Variants in SLC39A11 observed in about 807,000 individuals in gnomAD.
SLC39A11 encodes solute carrier family 39 member 11, also known as zinc transporter ZIP11.
A neutral mutation model predicts 36.1 loss-of-function variants in SLC39A11; 33 were observed. That is an observed-to-expected ratio of 0.91 (90% CI 0.69 to 1.22). The LOEUF is 1.22. SLC39A11 is among the 50% of genes most tolerant of loss of function. The pLI is 0.00. For missense variants in SLC39A11, 432 were observed against 430.3 expected (o/e 1.00, Z -0.03); for synonymous variants, 166 against 170.3 (o/e 0.97, Z 0.20).
At chr17:72,983,281 C>G (rs997546547) in intron 4 of SLC39A11, among the ~76,000 whole-genome samples, 1 of 152,096 alleles carries the variant, frequency 6.6e-6, no homozygotes, top group Non-Finnish European at 1.5e-5. Flanking sequence ...TCCTGAGGAG[C>G]TGGGATTACA....
intron 5 of SLC39A11, among the ~76,000 whole-genome samples, chr17:72,857,687 G>C (rs946932818): frequency 6.6e-6 from 1 of 152,194 alleles, no homozygotes; most frequent in Non-Finnish European, 1.5e-5. Context: ...TCTGACTGGT[G>C]TGAGATGGTA....
chr17:73,029,586 CTT>C (rs796247633), intron 4 of SLC39A11, among the ~76,000 whole-genome samples: 6 of 145,042 alleles, frequency 4.1e-5, no homozygotes, highest in Non-Finnish European at 3.1e-5. Context: ...GCCACTCAAT[CTT>C]TTTTTTTTTT....
intron 5 of SLC39A11, among the ~76,000 whole-genome samples, chr17:72,866,630 T>C (rs999994368): frequency 2.0e-5 from 3 of 150,708 alleles, no homozygotes; most frequent in African/African-American, 7.3e-5. Context: ...TGAAAAAAAA[T>C]GTATACACAA....
At chr17:72,933,402 G>A (rs1325560186) in intron 5 of SLC39A11, among the ~76,000 whole-genome samples, 1 of 152,114 alleles carries the variant, frequency 6.6e-6, no homozygotes, top group Non-Finnish European at 1.5e-5. Flanking sequence ...ACTGATAAAG[G>A]AAATCAAAGA....
At chr17:72,910,664 T>G (rs1325339914) in intron 5 of SLC39A11, among the ~76,000 whole-genome samples, 2 of 141,494 alleles carry the variant, frequency 1.4e-5, no homozygotes, top group African/African-American at 5.3e-5. Context: ...CAGTGACTCA[T>G]GGCTGTAATC....
chr17:72,886,172 G>A (rs1476238705), intron 5 of SLC39A11, among the ~76,000 whole-genome samples: 1 of 152,114 alleles, frequency 6.6e-6, no homozygotes, highest in African/African-American at 2.4e-5. Context: ...CCTGGTGCTC[G>A]GTCCTCAGTG....
At chr17:72,926,694 G>A (rs953363659) in intron 5 of SLC39A11, among the ~76,000 whole-genome samples, 2 of 151,980 alleles carry the variant, frequency 1.3e-5, no homozygotes, top group Non-Finnish European at 2.9e-5. Flanking sequence ...GCCCAATCTC[G>A]TTTGCCAGAT....
chr17:73,031,599 C>G lies in SLC39A11; in HGVS notation c.263G>C (p.Gly88Ala). 1 of 1,614,142 alleles carries G rather than the reference C, an allele frequency of 6.2e-7. No individual in the cohort carries two copies. Among genetic ancestry groups the G allele is most frequent in the East Asian group, 2.2e-5 (1 of 44,880 alleles). Reference sequence around the variant, plus strand: ...GTCAGCCAAGTAGACAAAAGCCGCTCCAAGGGTGAAGCCAACAGCCACAGG... The same window carrying G: ...GTCAGCCAAGTAGACAAAAGCCGCTGCAAGGGTGAAGCCAACAGCCACAGG... ...FFPVAVGFTLGAAFVYLADLL... is the reference protein window; with the variant it reads ...FFPVAVGFTLAAAFVYLADLL... Residue 88 changes from glycine (G) to alanine (A), a missense_variant, in exon 4 of 10, where the codon GGA becomes GCA. By Grantham distance (60) the Gly-to-Ala change is moderately conservative. Coordinates refer to ENST00000255559, the MANE Select transcript of SLC39A11 (RefSeq NM_139177.4).
Position 73,031,663 on chromosome 17 carries a change from C to T in SLC39A11, c.199G>A (p.Ala67Thr), listed in dbSNP as rs145755722. The change falls in exon 4 of 10, where the codon GCC (alanine) becomes ACC (threonine). Residue 67 changes from alanine to threonine, a missense_variant. Transcript: ENST00000255559. ...GCACCGAAGCCCCCAGAGGACGTGG[C>T]CATCTCAACTGCTGGGGCCAGAAGA... The part of the protein sequence containing the change: ...WSLLAPAVEM[A>T]TSSGGFGAFA... The T allele has an allele frequency of 3.7e-6, 6 of 1,613,998 alleles. No individual in the cohort carries two copies. The highest frequency in any genetic ancestry group is 1.6e-4 in the Middle Eastern group (1 of 6,062).
intron 5 of SLC39A11, among the ~76,000 whole-genome samples, chr17:72,850,742 T>A (rs1453858828): frequency 1.3e-5 from 2 of 152,184 alleles, no homozygotes; most frequent in African/African-American, 2.4e-5. Context: ...TCACAAGCGT[T>A]TTGTGAGGAT....
chr17:72,902,062 G>A (rs12051560), intron 5 of SLC39A11, among the ~76,000 whole-genome samples: 87,958 of 151,830 alleles, frequency 0.58, 26,108 homozygotes, highest in East Asian at 0.74. Flanking sequence ...ACCTGAGGTC[G>A]AGAGTTCGAG....
intron 6 of SLC39A11, among the ~76,000 whole-genome samples, chr17:72,829,764 C>A (rs1598902707): frequency 1.3e-5 from 2 of 152,252 alleles, no homozygotes; most frequent in Admixed American, 6.5e-5. Context: ...GGCACTCACA[C>A]CCCTACCCAG....
chr17:72,906,190 G>GA (rs1273311961), intron 5 of SLC39A11, among the ~76,000 whole-genome samples: 1 of 152,218 alleles, frequency 6.6e-6, no homozygotes, highest in Admixed American at 6.5e-5. Flanking sequence ...CAGATCCAAG[G>GA]AGCTCCACAA....
chr17:72,808,579 G>A (rs76147926), intron 6 of SLC39A11, among the ~76,000 whole-genome samples: 2,022 of 152,262 alleles, frequency 0.013, 43 homozygotes, highest in African/African-American at 0.046. Flanking sequence ...ATGTCCACTA[G>A]CTTGTTTTTC....
intron 5 of SLC39A11, among the ~76,000 whole-genome samples, chr17:72,867,756 GCGCGCA>G (rs780408439): frequency 0.014 from 1,096 of 79,040 alleles, 9 homozygotes; most frequent in African/African-American, 0.084. Flanking sequence ...AATGAAGTGC[GCGCGCA>G]CACACACACA....
chr17:72,808,363 C>T (rs148314334), intron 6 of SLC39A11, among the ~76,000 whole-genome samples: 15 of 152,330 alleles, frequency 9.8e-5, no homozygotes, highest in Admixed American at 3.9e-4. Flanking sequence ...GGGCTGCCCT[C>T]GCTCATTCTT....
intron 4 of SLC39A11, among the ~76,000 whole-genome samples, chr17:72,951,284 C>G (rs2085847315): frequency 7.2e-6 from 1 of 138,392 alleles, no homozygotes; most frequent in South Asian, 2.4e-4. Flanking sequence ...AAAAAGCCAG[C>G]AAAATGTCAA....
rs73349325 is a variant in SLC39A11, at chr17:72,971,919, C to T, written c.307-24044G>A. On this transcript the variant is annotated intron_variant, in intron 4 of 9. Transcript: ENST00000255559. ...TGCAGACTCAAGTTCTGCTTACAAC[C>T]TGTTGGGACCCGAGCTTCTCTCTAG... Among the ~76,000 whole-genome samples the T allele has an allele frequency of 3.5e-3, 536 of 152,318 alleles. 8 individuals are homozygous for T. The highest frequency in any genetic ancestry group is 0.012 in the African/African-American group (512 of 41,576).
rs189290791 is a variant in SLC39A11 at position 72,670,073 on chromosome 17, C to T, written c.672-20805G>A. On this transcript the variant is annotated intron_variant, in intron 7 of 9. Transcript: ENST00000255559. The stretch of plus-strand genomic sequence containing the variant: ...ATAGATGTATATACACATATATATA[C>T]GTATAGATGTATATACACACATATA... Among the ~76,000 whole-genome samples, 16 of 143,648 alleles carry T rather than the reference C, an allele frequency of 1.1e-4. No individual in the cohort carries two copies. In the East Asian group the frequency reaches 1.6e-3, roughly 15 times the overall value. 94.2% of individuals were successfully genotyped at this position (143,648 alleles called of 152,430 possible).
Sources: gnomAD v4.1 joint callset for allele counts (sites outside exome capture counted in the v4.1 genomes callset) on GRCh38, gnomAD v4.1.1 for gene constraint, MANE v1.5 for transcripts, NCBI Gene and HGNC (gene_info 2026-07-23, HGNC 2026-07-21) for gene names.